PTPN21: variants seen among roughly 807,000 people sequenced by gnomAD.
The protein encoded by PTPN21 is protein tyrosine phosphatase non-receptor type 21.
PTPN21 carries 77 observed loss-of-function variants against 131.8 expected under a neutral mutation model. The ratio of observed to expected loss-of-function variants is 0.58; its 90% CI spans 0.49 to 0.71. The LOEUF (loss-of-function observed/expected upper bound fraction) is 0.71. PTPN21 is among the 30% of genes least tolerant of loss of function. The pLI is 0.00. For synonymous variants in PTPN21, 715 were observed against 621.3 expected, an observed-to-expected ratio of 1.15 and a Z score of -2.24; for missense variants, 1,552 against 1,527.1, an observed-to-expected ratio of 1.02 and a Z score of -0.27.
At chr14:88,477,448 A>C (rs953288631) in intron 13 of PTPN21, among the ~76,000 whole-genome samples, 1,317 of 131,160 alleles carry the variant, frequency 0.01, 10 homozygotes, top group Non-Finnish European at 0.015. Flanking sequence ...GACTGTTCTA[A>C]AAAAAAAAAA....
In PTPN21 at chr14:88,479,175, G is replaced by T. The variant is rs1469475046; in HGVS notation, c.2256C>A (p.Ala752=). ...TGGGCTCCAGGATGTGCAGGGGCCC[G>T]GCGAGCAGGACGCGAGGGCAGCCAG... ...DPPGCPRVLL[A]GPLHILEPKA... Residue 752 remains alanine, a synonymous_variant, in exon 13 of 19, where the codon GCC becomes GCA. Coordinates refer to ENST00000556564, the MANE Select transcript of PTPN21 (RefSeq NM_007039.4). The T allele has an allele frequency of 1.3e-6, 2 of 1,554,162 alleles. No homozygotes were observed. The highest frequency in any genetic ancestry group is 2.0e-5 in the Admixed American group (1 of 50,916).
Position 88,469,117 on chromosome 14 carries a change from A to C in PTPN21, c.3236-41T>G. 1 of 1,574,454 alleles carries C rather than the reference A, an allele frequency of 6.4e-7. No homozygotes were observed. The highest frequency in any genetic ancestry group is 8.7e-7 in the Non-Finnish European group (1 of 1,152,836). On this transcript the variant is annotated intron_variant, in intron 17 of 18. Transcript: ENST00000556564. The surrounding 1 kb of genome is among the most constrained non-coding windows in gnomAD (Gnocchi z 4.3). ...GAAATAGAAAAGTACTCAAGGATCA[A>C]GGCGTATCACATTGTTGACTCAATC... is the stretch of plus-strand genomic sequence containing the variant.
chr14:88,479,196 G>A lies in PTPN21; in HGVS notation c.2235C>T (p.Gly745=). 6.3e-7 allele frequency: 1 copy of A among 1,575,082 alleles called. No homozygotes were observed. Among genetic ancestry groups the A allele is most frequent in the East Asian group, 2.3e-5 (1 of 44,352 alleles). ...PRPGLAQDPP[G]CPRVLLAGPL... ...GCCCGGCGAGCAGGACGCGAGGGCA[G>A]CCAGGTGGGTCCTGGGCCAGGCCGG... Residue 745 remains glycine (G), a synonymous_variant, in exon 13 of 19, where the codon GGC becomes GGT. Transcript: ENST00000556564.
chr14:88,514,799 G>C (rs570274746), intron 3 of PTPN21, among the ~76,000 whole-genome samples: 1 of 151,898 alleles, frequency 6.6e-6, no homozygotes, highest in East Asian at 1.9e-4. Flanking sequence ...CTTTGAGTGG[G>C]TTTTTTTAGA....
At chr14:88,548,366 A>G (rs537434614) in intron 2 of PTPN21, among the ~76,000 whole-genome samples, 56 of 152,306 alleles carry the variant, frequency 3.7e-4, no homozygotes, top group Middle Eastern at 6.8e-3. Flanking sequence ...GGCTTCAGGC[A>G]GACCAGCTTC....
intron 3 of PTPN21, among the ~76,000 whole-genome samples, chr14:88,510,586 A>G (rs767288902): frequency 3.3e-5 from 5 of 152,324 alleles, no homozygotes; most frequent in Admixed American, 3.3e-4. Context: ...GTTACATGAC[A>G]GTCCACAAAA....
At chr14:88,471,437 A>C (rs1458663962) in intron 15 of PTPN21, among the ~76,000 whole-genome samples, 1 of 152,206 alleles carries the variant, frequency 6.6e-6, no homozygotes, top group Non-Finnish European at 1.5e-5. Context: ...ATAAGGTGCC[A>C]AGAACATACA....
At chr14:88,510,358 C>T (rs1243885565) in intron 3 of PTPN21, among the ~76,000 whole-genome samples, 2 of 152,204 alleles carry the variant, frequency 1.3e-5, no homozygotes, top group African/African-American at 4.8e-5. Context: ...TAATCGCACT[C>T]ATTACTATCC....
At chr14:88,504,358 T>C in intron 6 of PTPN21, 67 bp downstream of exon 6, 2 of 1,212,286 alleles carry the variant, frequency 1.6e-6, no homozygotes, top group East Asian at 4.7e-5. Context: ...AAATATTTAA[T>C]TGAATATTTC....
At chr14:88,534,474 T>C (rs539921511) in intron 2 of PTPN21, among the ~76,000 whole-genome samples, 5 of 152,308 alleles carry the variant, frequency 3.3e-5, no homozygotes, top group Middle Eastern at 3.4e-3. Flanking sequence ...TATTTTTGTA[T>C]AGCTGTACAA....
chr14:88,479,153 G>A lies in PTPN21; in HGVS notation c.2278C>T (p.Pro760Ser). ...LLAGPLHILE[P>S]KAHVPDAEKR... is the part of the protein sequence containing the mutation. ...TCCGCGTCTGGGACGTGGGCCTTGGGCTCCAGGATGTGCAGGGGCCCGGCG... is the reference window on the plus strand; with the variant it reads ...TCCGCGTCTGGGACGTGGGCCTTGGACTCCAGGATGTGCAGGGGCCCGGCG... Residue 760 changes from proline (P) to serine (S), a missense_variant, in exon 13 of 19, where the codon CCC (proline) becomes TCC (serine). Coordinates refer to ENST00000556564, the MANE Select transcript of PTPN21 (RefSeq NM_007039.4). The A allele has an allele frequency of 6.4e-7, 1 of 1,553,270 alleles. No individual in the cohort carries two copies. The highest frequency in any genetic ancestry group is 1.4e-5 in the African/African-American group (1 of 72,600).
intron 2 of PTPN21, among the ~76,000 whole-genome samples, chr14:88,534,240 G>C (rs1184517989): frequency 3.3e-5 from 5 of 150,612 alleles, no homozygotes; most frequent in Admixed American, 1.3e-4. Context: ...GGGGCGGGGG[G>C]CGCTTGGTGG....
chr14:88,543,361 A>C (rs907838851), intron 2 of PTPN21, among the ~76,000 whole-genome samples: 7 of 152,186 alleles, frequency 4.6e-5, no homozygotes, highest in Non-Finnish European at 1.0e-4. Context: ...TCACTTTCTA[A>C]GTGTTTCAGA....
rs77076784 is a variant in PTPN21, at chr14:88,492,313, T to C, written c.932+4100A>G. On this transcript the variant is annotated intron_variant, in intron 10 of 18. Coordinates refer to ENST00000556564, the MANE Select transcript of PTPN21 (RefSeq NM_007039.4). Reference sequence around the variant, plus strand: ...TTCTGCATAGAAATCATGCCACATATGGCTGGATAACCAGGCCAGCCCCAG... The same window carrying C: ...TTCTGCATAGAAATCATGCCACATACGGCTGGATAACCAGGCCAGCCCCAG... Among the ~76,000 whole-genome samples, 342 of 152,332 alleles carry C rather than the reference T, an allele frequency of 2.2e-3. 4 individuals are homozygous for C. Among genetic ancestry groups the C allele is most frequent in the African/African-American group, 7.8e-3 (324 of 41,576 alleles).
In PTPN21 at chr14:88,497,704, G is replaced by A. The variant is rs146484549; in HGVS notation, c.765-414C>T. ...TGAGGCGGGAGAATGGTGTGAACCC[G>A]GGAGGCAGAGCTTGCAGTGAGCCGA... is the stretch of plus-strand genomic sequence containing the variant. On this transcript the variant is annotated intron_variant, in intron 8 of 18. Coordinates refer to ENST00000556564, the MANE Select transcript of PTPN21 (RefSeq NM_007039.4). 8.1e-3 allele frequency among the ~76,000 whole-genome samples: 1,220 copies of A among 151,378 alleles called. 7 individuals carry two copies. The highest frequency in any genetic ancestry group is 0.028 in the African/African-American group (1,155 of 41,212).
chr14:88,547,127 A>G (rs1476824570), intron 2 of PTPN21, among the ~76,000 whole-genome samples: 1 of 152,172 alleles, frequency 6.6e-6, no homozygotes, highest in Admixed American at 6.5e-5. Context: ...ACTTATTAAC[A>G]GAAGGAAGGC....
intron 3 of PTPN21, among the ~76,000 whole-genome samples, chr14:88,512,943 C>T (rs1021246048): frequency 6.6e-5 from 10 of 152,108 alleles, no homozygotes; most frequent in African/African-American, 2.2e-4. Flanking sequence ...TCAGATGATG[C>T]CAGCCTGTTC....
rs189368604 is a variant in PTPN21 at position 88,501,459 on chromosome 14, A to G, written c.588-91T>C. ...CTTAAAACCTATATGTCAATTTAGC[A>G]TAAGACATTATAAACATTTCACGTT... On this transcript the variant is annotated intron_variant, in intron 6 of 18. Coordinates refer to ENST00000556564, the MANE Select transcript of PTPN21 (RefSeq NM_007039.4). 2.4e-4 allele frequency: 249 copies of G among 1,053,360 alleles called. 1 individual carries two copies. Among genetic ancestry groups the G allele is most frequent in the Admixed American group, 5.9e-5 (3 of 50,820 alleles). 65.3% of individuals were successfully genotyped at this position (1,053,360 alleles called of 1,614,324 possible). A position where few individuals can be genotyped will look rare whatever the true frequency, so the allele number is the denominator to read the frequency against.
At chr14:88,476,686 G>A (rs73329683) in intron 13 of PTPN21, among the ~76,000 whole-genome samples, 5,616 of 152,198 alleles carry the variant, frequency 0.037, 347 homozygotes, top group African/African-American at 0.13. Context: ...TGGTCACAGA[G>A]AACTAACAAA....
Sources: allele counts gnomAD v4.1 joint callset (sites outside exome capture counted in the v4.1 genomes callset), GRCh38; gene constraint gnomAD v4.1.1; non-coding constraint Gnocchi (gnomAD v3.1); transcripts MANE v1.5; gene names NCBI Gene and HGNC (gene_info 2026-07-23, HGNC 2026-07-21).